Variants in ZNF609 observed in about 807,000 individuals in gnomAD.
ZNF609 encodes zinc finger protein 609.
Under a neutral mutation model 109.5 loss-of-function variants are expected in ZNF609, and 11 were observed. The ratio of observed to expected loss-of-function variants is 0.10; its 90% CI spans 0.06 to 0.17. ZNF609 has a LOEUF of 0.17. Among genes scored for constraint, ZNF609 ranks in the 10% least tolerant of loss-of-function variants. ZNF609 has a pLI of 1.00. For missense variants in ZNF609, 1,559 were observed against 1,772.4 expected (o/e 0.88, Z 2.16); for synonymous variants, 646 against 662.0 (o/e 0.98, Z 0.37).
chr15:64,575,884 C>T (rs1310412023), intron 2 of ZNF609, among the ~76,000 whole-genome samples: 2 of 152,272 alleles, frequency 1.3e-5, no homozygotes, highest in Admixed American at 6.5e-5. Flanking sequence ...AGGTGGATCA[C>T]GGGGTCAGGA....
intron 3 of ZNF609, among the ~76,000 whole-genome samples, chr15:64,660,822 T>C (rs1896564577): frequency 6.6e-6 from 1 of 152,234 alleles, no homozygotes. Context: ...CTTACAGGTT[T>C]CTCTGCTTGA....
At chr15:64,529,409 C>G in intron 2 of ZNF609, 1 of 762,696 alleles carries the variant, frequency 1.3e-6, no homozygotes, top group Admixed American at 1.7e-5. Flanking sequence ...CAGCATCACC[C>G]CATTTGATTT....
intron 2 of ZNF609, among the ~76,000 whole-genome samples, chr15:64,589,446 T>C (rs910490519): frequency 6.6e-6 from 1 of 152,172 alleles, no homozygotes; most frequent in Admixed American, 6.5e-5. Flanking sequence ...TCTTATATAT[T>C]TCCTTTAATT....
intron 2 of ZNF609, among the ~76,000 whole-genome samples, chr15:64,525,704 T>A (rs1006046307): frequency 6.6e-6 from 1 of 152,150 alleles, no homozygotes; most frequent in Non-Finnish European, 1.5e-5. Flanking sequence ...TCCATGAACA[T>A]GAGATGTCTT....
intron 1 of ZNF609, among the ~76,000 whole-genome samples, chr15:64,496,733 C>T (rs1417740422): frequency 2.0e-5 from 3 of 152,140 alleles, no homozygotes; most frequent in African/African-American, 7.2e-5. Context: ...GCCAAGTCTT[C>T]TTGTGTAGTG....
chr15:64,669,402 A>G (rs1429008995), intron 3 of ZNF609, among the ~76,000 whole-genome samples: 1 of 152,250 alleles, frequency 6.6e-6, no homozygotes, highest in Non-Finnish European at 1.5e-5. Flanking sequence ...GGGTACATGA[A>G]AAAAGCAGTG....
intron 2 of ZNF609, among the ~76,000 whole-genome samples, chr15:64,594,544 C>T (rs693645): frequency 6.6e-6 from 1 of 151,290 alleles, no homozygotes; most frequent in African/African-American, 2.4e-5. Flanking sequence ...CACCATGTTG[C>T]CCAGCCTGGT....
chr15:64,579,125 C>T (rs1322858797), intron 2 of ZNF609, among the ~76,000 whole-genome samples: 1 of 151,554 alleles, frequency 6.6e-6, no homozygotes, highest in Non-Finnish European at 1.5e-5. Flanking sequence ...CTTTTTTGTT[C>T]CTCTTTCCCT....
intron 3 of ZNF609, among the ~76,000 whole-genome samples, chr15:64,644,095 C>T (rs531375319): frequency 6.6e-6 from 1 of 151,714 alleles, no homozygotes; most frequent in Non-Finnish European, 1.5e-5. Context: ...CAGAGCAAGA[C>T]CCTGTCTCAA....
At chr15:64,676,454 G>T (rs962902450) in intron 5 of ZNF609, among the ~76,000 whole-genome samples, 198 bp downstream of exon 5, 3 of 151,876 alleles carry the variant, frequency 2.0e-5, no homozygotes, top group Admixed American at 6.5e-5. Flanking sequence ...TTTTTGAGAT[G>T]GAGTCTCACT....
At chr15:64,530,047 C>T (rs752493253) in intron 2 of ZNF609, among the ~76,000 whole-genome samples, 1 of 151,170 alleles carries the variant, frequency 6.6e-6, no homozygotes, top group Non-Finnish European at 1.5e-5. Flanking sequence ...TTTTTTTAAA[C>T]TCTGTCACCC....
chr15:64,554,884 G>A (rs1595716700), intron 2 of ZNF609, among the ~76,000 whole-genome samples: 1 of 151,398 alleles, frequency 6.6e-6, no homozygotes, highest in East Asian at 2.0e-4. Context: ...ATCACCTGAG[G>A]TCAGGAGTTC....
intron 2 of ZNF609, among the ~76,000 whole-genome samples, chr15:64,513,865 G>A (rs1893768601): frequency 6.6e-6 from 1 of 152,076 alleles, no homozygotes; most frequent in Admixed American, 6.6e-5. Context: ...GCCAAGGTGG[G>A]AGGACTGCTT....
At chr15:64,535,267 C>T (rs1170273196) in intron 2 of ZNF609, among the ~76,000 whole-genome samples, 3 of 152,066 alleles carry the variant, frequency 2.0e-5, no homozygotes, top group Non-Finnish European at 4.4e-5. Context: ...CCGGGCTGGT[C>T]TGGAACTCCT....
At chr15:64,527,760 C>T (rs1273087002) in intron 2 of ZNF609, among the ~76,000 whole-genome samples, 1 of 152,168 alleles carries the variant, frequency 6.6e-6, no homozygotes, top group Non-Finnish European at 1.5e-5. Context: ...TGATGCCTTT[C>T]CCTCACTGCT....
At chr15:64,549,056 A>G (rs556080192) in intron 2 of ZNF609, among the ~76,000 whole-genome samples, 1 of 152,306 alleles carries the variant, frequency 6.6e-6, no homozygotes, top group East Asian at 1.9e-4. Flanking sequence ...GGAGAAATTC[A>G]GTTTTGCCTG....
intron 2 of ZNF609, among the ~76,000 whole-genome samples, chr15:64,544,747 G>A (rs565515275): frequency 2.0e-5 from 3 of 152,174 alleles, no homozygotes; most frequent in Non-Finnish European, 4.4e-5. Context: ...CCTCTAAGCT[G>A]TCAGCAAGCG....
chr15:64,604,536 T>C (rs1895562603), intron 2 of ZNF609, among the ~76,000 whole-genome samples: 1 of 152,212 alleles, frequency 6.6e-6, no homozygotes, highest in African/African-American at 2.4e-5. Context: ...ACCACAGGAC[T>C]CTTGCCTTTG....
chr15:64,480,611 G>A (rs528421601), intron 1 of ZNF609, among the ~76,000 whole-genome samples: 35 of 152,254 alleles, frequency 2.3e-4, no homozygotes, highest in Middle Eastern at 6.8e-3. Context: ...AACTGTTCAG[G>A]TGTAGTACTG....
Sources: allele counts gnomAD v4.1 joint callset (sites outside exome capture counted in the v4.1 genomes callset), GRCh38; gene constraint gnomAD v4.1.1; transcripts MANE v1.5; gene names NCBI Gene and HGNC (gene_info 2026-07-23, HGNC 2026-07-21).